Variants in TXNDC16 observed in about 807,000 individuals in gnomAD.
TXNDC16 encodes thioredoxin domain containing 16.
A neutral mutation model predicts 85.6 loss-of-function variants in TXNDC16; 74 were observed. The ratio of observed to expected loss-of-function variants is 0.86; its 90% CI spans 0.72 to 1.05. The LOEUF is 1.05. TXNDC16 is among the 50% of genes least tolerant of loss of function. The probability of loss-of-function intolerance (pLI) is 0.00; values close to 1 mark genes in which losing one functional copy is unlikely to be tolerated. For missense variants in TXNDC16, 959 were observed against 947.0 expected (o/e 1.01, Z -0.17); for synonymous variants, 335 against 326.5 (o/e 1.03, Z -0.28).
intron 20 of TXNDC16, 71 bp downstream of exon 20, chr14:52,439,133 C>T: frequency 7.1e-7 from 1 of 1,413,370 alleles, no homozygotes; most frequent in Non-Finnish European, 9.8e-7. Flanking sequence ...CATTCTTTAG[C>T]TATATTTAGA....
At chr14:52,506,335 G>T (rs1270738113) in intron 9 of TXNDC16, among the ~76,000 whole-genome samples, 1 of 152,022 alleles carries the variant, frequency 6.6e-6, no homozygotes, top group East Asian at 1.9e-4. Context: ...ATAAAATACT[G>T]GCAAACCAAA....
chr14:52,441,990 T>C (rs1442632056), intron 18 of TXNDC16, among the ~76,000 whole-genome samples: 2 of 152,206 alleles, frequency 1.3e-5, no homozygotes, highest in East Asian at 3.9e-4. Flanking sequence ...TCTGGATTCA[T>C]GGAATTGTCA....
chr14:52,512,401 G>A (rs1043437707), intron 8 of TXNDC16, among the ~76,000 whole-genome samples: 1 of 152,068 alleles, frequency 6.6e-6, no homozygotes, highest in Non-Finnish European at 1.5e-5. Flanking sequence ...GGAGATTATC[G>A]CAGAGCTTAA....
At chr14:52,475,835 C>G (rs1309851640) in intron 14 of TXNDC16, among the ~76,000 whole-genome samples, 2 of 152,162 alleles carry the variant, frequency 1.3e-5, no homozygotes, top group African/African-American at 2.4e-5. Flanking sequence ...AGCCAATGCT[C>G]TCTTGAAAGT....
chr14:52,454,131 A>C (rs1393819618), intron 18 of TXNDC16, among the ~76,000 whole-genome samples: 1 of 152,214 alleles, frequency 6.6e-6, no homozygotes, highest in African/African-American at 2.4e-5. Flanking sequence ...TGTTTGTATC[A>C]AAATACCTCA....
chr14:52,473,736 A>G (rs1218396512), intron 14 of TXNDC16, among the ~76,000 whole-genome samples: 1 of 152,204 alleles, frequency 6.6e-6, no homozygotes, highest in African/African-American at 2.4e-5. Context: ...ATTATCTTAG[A>G]TACAGGTATT....
intron 16 of TXNDC16, among the ~76,000 whole-genome samples, chr14:52,463,756 C>A (rs1169089359): frequency 6.6e-6 from 1 of 152,128 alleles, no homozygotes; most frequent in Non-Finnish European, 1.5e-5. Flanking sequence ...TATACGGAGG[C>A]AGCTTTAGGC....
chr14:52,436,842 T>C (rs982125788), intron 20 of TXNDC16, among the ~76,000 whole-genome samples: 1 of 152,106 alleles, frequency 6.6e-6, no homozygotes, highest in Non-Finnish European at 1.5e-5. Context: ...CATACATACA[T>C]ATTTACATAT....
intron 6 of TXNDC16, among the ~76,000 whole-genome samples, chr14:52,521,780 C>A (rs1027025460): frequency 2.0e-5 from 3 of 152,112 alleles, no homozygotes; most frequent in Non-Finnish European, 4.4e-5. Context: ...TCACTATGTG[C>A]TAGGTATTTT....
rs2037511157 is a variant in TXNDC16 at position 52,530,434 on chromosome 14, T to TATTATATAATA, written c.392+6284_392+6285insTATTATATAAT. ...TATTATATAATATTATATATAATAA[T>TATTATATAATA]ATATAATATATTATTATATAATAAT... is the stretch of plus-strand genomic sequence containing the variant. On this transcript the variant is annotated intron_variant, in intron 6 of 20. Transcript: ENST00000281741. Among the ~76,000 whole-genome samples, 4 of 16,184 alleles carry TATTATATAATA rather than the reference T, an allele frequency of 2.5e-4. 1 individual carries two copies. Among genetic ancestry groups the TATTATATAATA allele is most frequent in the African/African-American group, 1.5e-3 (4 of 2,616 alleles). 10.6% of individuals were successfully genotyped at this position (16,184 alleles called of 152,430 possible).
At chr14:52,529,746 ATATTATATATAATACC>A (rs1164253679) in intron 6 of TXNDC16, among the ~76,000 whole-genome samples, 2 of 118,604 alleles carry the variant, frequency 1.7e-5, no homozygotes, top group Non-Finnish European at 3.2e-5. Context: ...TGCCTATTAT[ATATTATATATAATACC>A]TATTATATAT....
At chr14:52,435,087 G>A (rs902485316) in intron 20 of TXNDC16, among the ~76,000 whole-genome samples, 1 of 152,086 alleles carries the variant, frequency 6.6e-6, no homozygotes, top group African/African-American at 2.4e-5. Flanking sequence ...TTTACAAAGT[G>A]CCTCTGCATT....
At chr14:52,493,111 AT>A (rs890488496) in intron 9 of TXNDC16, among the ~76,000 whole-genome samples, 51 of 148,096 alleles carry the variant, frequency 3.4e-4, no homozygotes, top group South Asian at 1.1e-3. Flanking sequence ...CCCTGTCTCT[AT>A]TTTTTTTTTA....
In TXNDC16 at chr14:52,511,368, G is replaced by A. The variant is rs764102813; in HGVS notation, c.628C>T (p.His210Tyr). The A allele has an allele frequency of 2.5e-6, 4 of 1,596,992 alleles. No homozygotes were observed. The highest frequency in any genetic ancestry group is 2.6e-6 in the Non-Finnish European group (3 of 1,169,462). The change falls in exon 9 of 21, where the codon CAT becomes TAT. Residue 210 changes from histidine (H) to tyrosine (Y), a missense_variant. Coordinates refer to ENST00000281741, the MANE Select transcript of TXNDC16 (RefSeq NM_020784.3). The part of the protein sequence containing the change: ...SIGSEDVEYA[H>Y]LYFFHCKLVL... Reference sequence around the variant, plus strand: ...AGTTTACAATGAAAAAAGTAGAGATGTGCATATTCCACATCCTCAGAGCTA... The same window carrying A: ...AGTTTACAATGAAAAAAGTAGAGATATGCATATTCCACATCCTCAGAGCTA...
chr14:52,503,286 C>G (rs1440821444), intron 9 of TXNDC16, among the ~76,000 whole-genome samples: 3 of 152,218 alleles, frequency 2.0e-5, no homozygotes, highest in Non-Finnish European at 4.4e-5. Context: ...TCAAGTGGGT[C>G]CCTGACCCCC....
At chr14:52,534,878 G>A (rs1018002113) in intron 6 of TXNDC16, among the ~76,000 whole-genome samples, 4 of 152,130 alleles carry the variant, frequency 2.6e-5, no homozygotes, top group East Asian at 1.9e-4. Flanking sequence ...TGTGGAATTC[G>A]TGTTCTATAA....
chr14:52,529,346 T>C (rs2037419842), intron 6 of TXNDC16, among the ~76,000 whole-genome samples: 1 of 150,504 alleles, frequency 6.6e-6, no homozygotes, highest in Non-Finnish European at 1.5e-5. Context: ...GGGGGAGGGA[T>C]AGCATTAGGA....
chr14:52,515,442 T>A (rs2037058673), intron 7 of TXNDC16, among the ~76,000 whole-genome samples: 1 of 152,080 alleles, frequency 6.6e-6, no homozygotes, highest in African/African-American at 2.4e-5. Flanking sequence ...AGAATATGAA[T>A]CCACCATACA....
intron 9 of TXNDC16, among the ~76,000 whole-genome samples, chr14:52,495,457 T>C (rs1209498106): frequency 6.6e-6 from 1 of 152,146 alleles, no homozygotes; most frequent in African/African-American, 2.4e-5. Context: ...ATCATCACCT[T>C]AGCCTCATTC....
Sources: allele counts gnomAD v4.1 joint callset (sites outside exome capture counted in the v4.1 genomes callset), GRCh38; gene constraint gnomAD v4.1.1; transcripts MANE v1.5; gene names NCBI Gene and HGNC (gene_info 2026-07-23, HGNC 2026-07-21).